RIMS2: variants seen among roughly 807,000 people sequenced by gnomAD.
The protein encoded by RIMS2 is regulating synaptic membrane exocytosis protein 2.
Under a neutral mutation model 174.4 loss-of-function variants are expected in RIMS2, and 59 were observed. The ratio of observed to expected loss-of-function variants is 0.34; its 90% CI spans 0.27 to 0.42. The LOEUF (loss-of-function observed/expected upper bound fraction) is 0.42, where lower values mean the gene tolerates loss of function less well. Among genes scored for constraint, RIMS2 ranks in the 10% least tolerant of loss-of-function variants. The probability of loss-of-function intolerance (pLI) is 1.00; values close to 1 mark genes in which losing one functional copy is unlikely to be tolerated. For missense variants in RIMS2, 1,620 were observed against 1,666.3 expected, an observed-to-expected ratio of 0.97 and a Z score of 0.48; for synonymous variants, 606 against 572.5, an observed-to-expected ratio of 1.06 and a Z score of -0.84.
intron 19 of RIMS2, among the ~76,000 whole-genome samples, chr8:104,243,655 C>T (rs1442523796): frequency 6.6e-6 from 1 of 152,132 alleles, no homozygotes; most frequent in Non-Finnish European, 1.5e-5. Flanking sequence ...CACTGCACTT[C>T]AGCCTGGGCA....
At chr8:103,937,161 G>A (rs2081462978) in intron 13 of RIMS2, among the ~76,000 whole-genome samples, 1 of 151,986 alleles carries the variant, frequency 6.6e-6, no homozygotes, top group African/African-American at 2.4e-5. Context: ...TAGAATATCT[G>A]CAAAGGTAGG....
intron 19 of RIMS2, among the ~76,000 whole-genome samples, chr8:104,123,715 A>G (rs1028780733): frequency 6.6e-6 from 1 of 152,060 alleles, no homozygotes; most frequent in Admixed American, 6.6e-5. Context: ...TATAGGCCCG[A>G]TAATGCTTTA....
At chr8:103,808,200 G>C (rs1420410879) in intron 3 of RIMS2, among the ~76,000 whole-genome samples, 3 of 152,024 alleles carry the variant, frequency 2.0e-5, no homozygotes, top group Non-Finnish European at 4.4e-5. Context: ...ATATAACAGA[G>C]TTGATCATAA....
chr8:104,139,749 T>G lies in RIMS2; in HGVS notation c.3335-105167T>G, dbSNP rs2098551229. On this transcript the variant is annotated intron_variant, in intron 19 of 23. Transcript: ENST00000504942. ...TCTTTCTTTCCAATTTGGATGCCCT[T>G]TGTTTATTTCTCTTGTCTGATTGAT... Among the ~76,000 whole-genome samples the G allele has an allele frequency of 2.6e-5, 4 of 152,294 alleles. No homozygotes were observed. In the South Asian group the frequency reaches 8.3e-4, roughly 32 times the overall value.
intron 15 of RIMS2, among the ~76,000 whole-genome samples, chr8:103,974,263 C>T (rs2093208997): frequency 1.3e-5 from 2 of 152,148 alleles, no homozygotes; most frequent in East Asian, 1.9e-4. Flanking sequence ...GGAAATATTA[C>T]ATATGAACAG....
At chr8:104,192,037 T>C (rs532258087) in intron 19 of RIMS2, among the ~76,000 whole-genome samples, 151 of 152,292 alleles carry the variant, frequency 9.9e-4, no homozygotes, top group Non-Finnish European at 2.0e-3. Context: ...ATACTATGTA[T>C]GAGCCAAAAA....
chr8:103,625,397 C>A (rs1339634543), intron 1 of RIMS2, among the ~76,000 whole-genome samples: 1 of 151,958 alleles, frequency 6.6e-6, no homozygotes, highest in African/African-American at 2.4e-5. Flanking sequence ...ACTAAGAAGG[C>A]AGAAATAAAA....
intron 19 of RIMS2, among the ~76,000 whole-genome samples, chr8:104,227,802 G>A (rs1460138629): frequency 6.6e-6 from 1 of 152,014 alleles, no homozygotes; most frequent in Non-Finnish European, 1.5e-5. Context: ...CTATAAAACT[G>A]AATAAATTAA....
At chr8:103,589,306 T>A (rs779126642) in intron 1 of RIMS2, among the ~76,000 whole-genome samples, 1 of 143,418 alleles carries the variant, frequency 7.0e-6, no homozygotes, top group Non-Finnish European at 1.5e-5. Flanking sequence ...GACATGCAAA[T>A]GGCAAAGAGG....
At chr8:103,997,315 G>A (rs2095166584) in intron 17 of RIMS2, among the ~76,000 whole-genome samples, 1 of 151,714 alleles carries the variant, frequency 6.6e-6, no homozygotes, top group Admixed American at 6.6e-5. Context: ...TACAAGTAGA[G>A]GCATCTCTTT....
chr8:103,843,187 T>G (rs573218095), intron 3 of RIMS2, among the ~76,000 whole-genome samples: 2 of 152,356 alleles, frequency 1.3e-5, no homozygotes, highest in East Asian at 3.9e-4. Flanking sequence ...TAATCAAGGA[T>G]AAATCAACAT....
intron 1 of RIMS2, among the ~76,000 whole-genome samples, chr8:103,633,167 C>G (rs192209965): frequency 1.3e-5 from 2 of 151,010 alleles, no homozygotes; most frequent in South Asian, 4.2e-4. Context: ...GCCGGGACTA[C>G]AGGCATGTGC....
chr8:103,812,529 G>A (rs902563060), intron 3 of RIMS2, among the ~76,000 whole-genome samples: 29 of 151,870 alleles, frequency 1.9e-4, no homozygotes, highest in African/African-American at 4.6e-4. Context: ...TTACAGGCGC[G>A]TACCACTACA....
intron 1 of RIMS2, among the ~76,000 whole-genome samples, chr8:103,508,930 G>A (rs1056822332): frequency 1.1e-4 from 17 of 151,984 alleles, no homozygotes; most frequent in African/African-American, 4.1e-4. Context: ...ACTGACTACT[G>A]TACATAATAT....
intron 2 of RIMS2, among the ~76,000 whole-genome samples, chr8:103,725,754 G>A (rs2097521033): frequency 6.6e-6 from 1 of 152,162 alleles, no homozygotes; most frequent in Non-Finnish European, 1.5e-5. Flanking sequence ...GCTGGATCAA[G>A]AAGCTGGATT....
chr8:104,022,511 A>G (rs1260295230), intron 19 of RIMS2, among the ~76,000 whole-genome samples: 1 of 152,044 alleles, frequency 6.6e-6, no homozygotes, highest in African/African-American at 2.4e-5. Flanking sequence ...CCTTCTGAGT[A>G]GCTGGGATTA....
At chr8:103,913,328 C>T (rs2076087839) in intron 6 of RIMS2, among the ~76,000 whole-genome samples, 1 of 151,924 alleles carries the variant, frequency 6.6e-6, no homozygotes, top group South Asian at 2.1e-4. Context: ...GGAGTCCTAG[C>T]TACTGAGGAG....
chr8:103,857,401 G>C (rs1245190556), intron 3 of RIMS2, among the ~76,000 whole-genome samples: 1 of 151,746 alleles, frequency 6.6e-6, no homozygotes, highest in Non-Finnish European at 1.5e-5. Context: ...GCAGCTATTT[G>C]TTCATATATA....
chr8:103,609,998 T>C (rs1195739117), intron 1 of RIMS2, among the ~76,000 whole-genome samples: 3 of 152,232 alleles, frequency 2.0e-5, no homozygotes, highest in African/African-American at 7.2e-5. Flanking sequence ...ATGTCATCTC[T>C]GATTTCTTTG....
Sources: gnomAD v4.1 joint callset for allele counts (sites outside exome capture counted in the v4.1 genomes callset) on GRCh38, gnomAD v4.1.1 for gene constraint, MANE v1.5 for transcripts, NCBI Gene and HGNC (gene_info 2026-07-23, HGNC 2026-07-21) for gene names.